The following NLRC5 variants were observed in gnomAD, a reference collection of about 807,000 sequenced individuals.
NLRC5 encodes protein NLRC5.
Under a neutral mutation model 206.9 loss-of-function variants are expected in NLRC5, and 114 were observed. The observed-to-expected ratio is 0.55, with a 90% CI of 0.47 to 0.64. The LOEUF (loss-of-function observed/expected upper bound fraction) is 0.64. Ranked by LOEUF, NLRC5 falls within the 30% of genes least tolerant of loss-of-function variation. NLRC5 has a pLI of 0.00. For synonymous variants in NLRC5, 952 were observed against 962.8 expected (o/e 0.99, Z 0.21); for missense variants, 2,008 against 2,305.5 (o/e 0.87, Z 2.64).
intron 41 of NLRC5, 115 bp from the exon 42 acceptor site, chr16:57,077,604 T>C: frequency 9.4e-7 from 1 of 1,062,554 alleles, no homozygotes; most frequent in Non-Finnish European, 1.4e-6. Flanking sequence ...AGGTGTGTGG[T>C]GTCGGGGGGT....
intron 28 of NLRC5, 110 bp downstream of exon 28, chr16:57,058,258 G>T: frequency 1.1e-6 from 1 of 887,116 alleles, no homozygotes; most frequent in Non-Finnish European, 1.8e-6. Flanking sequence ...CAGAGGACAA[G>T]GACTGTGGAG....
chr16:57,050,908 A>T (rs1348725637), intron 23 of NLRC5, among the ~76,000 whole-genome samples: 1 of 152,092 alleles, frequency 6.6e-6, no homozygotes, highest in Non-Finnish European at 1.5e-5. Context: ...GCTGGAGTGC[A>T]GTGGTACGAT....
intron 37 of NLRC5, 104 bp from the exon 38 acceptor site, chr16:57,070,431 T>C: frequency 4.2e-6 from 4 of 953,592 alleles, no homozygotes; most frequent in Non-Finnish European, 6.6e-6. Flanking sequence ...AGATGCAGAG[T>C]TGGCCTCCCA....
At chr16:57,067,337 A>G in intron 34 of NLRC5, 50 bp from the exon 35 acceptor site, 2 of 1,471,316 alleles carry the variant, frequency 1.4e-6, no homozygotes, top group East Asian at 4.6e-5. Context: ...ACTGAATCCC[A>G]CATACTGGAC....
chr16:57,025,798 A>G lies in NLRC5; in HGVS notation c.855A>G (p.Glu285=). 2 of 1,614,192 alleles carry G rather than the reference A, an allele frequency of 1.2e-6. No homozygotes were observed. Among genetic ancestry groups the G allele is most frequent in the Non-Finnish European group, 1.7e-6 (2 of 1,180,020 alleles). Residue 285 remains glutamate, a synonymous_variant, in exon 6 of 49, where the codon GAA becomes GAG. Coordinates refer to ENST00000688547, the MANE Select transcript of NLRC5 (RefSeq NM_001384950.1). ...TTTTTGATCTGTACCTGAGCCCTGA[A>G]TCGGACCACGACACTGTCTTCCAGT... ...ELLFDLYLSP[E]SDHDTVFQYL...
At chr16:57,067,179 T>C (rs1567633589) in intron 34 of NLRC5, among the ~76,000 whole-genome samples, 1 of 152,234 alleles carries the variant, frequency 6.6e-6, no homozygotes, top group East Asian at 1.9e-4. Flanking sequence ...CTGTGTGTCC[T>C]TGTGCGGTGA....
intron 30 of NLRC5, among the ~76,000 whole-genome samples, chr16:57,061,114 C>T (rs2066420234): frequency 6.6e-6 from 1 of 152,254 alleles, no homozygotes; most frequent in African/African-American, 2.4e-5. Flanking sequence ...AGTTTCCCCA[C>T]CTCTAATTGG....
At chr16:57,054,727 G>A (rs371221670) in intron 24 of NLRC5, 24 bp from the exon 25 acceptor site, 254 of 1,495,268 alleles carry the variant, frequency 1.7e-4, no homozygotes, top group South Asian at 1.4e-3. Flanking sequence ...TCATCTTGCC[G>A]GATCTACCCC....
intron 1 of NLRC5, among the ~76,000 whole-genome samples, chr16:57,014,695 T>C (rs1308049292): frequency 6.6e-6 from 1 of 152,204 alleles, no homozygotes; most frequent in Non-Finnish European, 1.5e-5. Context: ...AAGGCAAGTA[T>C]GTCTTAGTCA....
chr16:57,048,295 G>C (rs928095528), intron 23 of NLRC5: 3 of 152,206 alleles, frequency 2.0e-5, no homozygotes, highest in Non-Finnish European at 4.4e-5. Context: ...TCTACTCCTT[G>C]CCTATTTGCA....
At chr16:57,049,438 T>C (rs1218324855) in intron 23 of NLRC5, among the ~76,000 whole-genome samples, 2 of 152,120 alleles carry the variant, frequency 1.3e-5, no homozygotes, top group Non-Finnish European at 2.9e-5. Context: ...GGAAGCTTAA[T>C]ATAAAAAGCC....
At chr16:56,991,177 G>A (rs1021072302) in intron 1 of NLRC5, 1 of 152,094 alleles carries the variant, frequency 6.6e-6, no homozygotes, top group African/African-American at 2.4e-5. Context: ...AGGGGAGATG[G>A]ATCCTTGAAG....
At chr16:57,023,736 G>A (rs773516380) in intron 4 of NLRC5, 49 bp from the exon 5 acceptor site, 1 of 1,530,484 alleles carries the variant, frequency 6.5e-7, no homozygotes. Context: ...TAACCCCTCA[G>A]CCCAGATCCC....
Position 57,051,578 on chromosome 16 carries a change from C to G in NLRC5, c.3463C>G (p.Leu1155Val), listed in dbSNP as rs1414080515. ...EFLSDQSLET[L>V]LDCLPQLPQL... ...CCTGAGTGACCAGAGCCTGGAGACTCTACTGGACTGCTTACCTCAACTCCC... is the reference window on the plus strand; with the variant it reads ...CCTGAGTGACCAGAGCCTGGAGACTGTACTGGACTGCTTACCTCAACTCCC... The change falls in exon 24 of 49, where the codon CTA becomes GTA. Residue 1155 changes from leucine (L) to valine (V), a missense_variant. Transcript: ENST00000688547. The G allele has an allele frequency of 6.8e-6, 11 of 1,614,014 alleles. No homozygotes were observed. Among genetic ancestry groups the G allele is most frequent in the Admixed American group, 5.0e-5 (3 of 60,014 alleles).
In NLRC5 at chr16:57,074,635, C is replaced by T. The variant is rs773251679; in HGVS notation, c.4703C>T (p.Ala1568Val). 9.9e-6 allele frequency: 16 copies of T among 1,613,874 alleles called. No individual in the cohort carries two copies. The highest frequency in any genetic ancestry group is 2.2e-5 in the South Asian group (2 of 91,078). ...CTTCTGCTGAACAGCTCCACCTTGG[C>T]CTTGCTTACTCACAGACTAAGCCAG... ...SHLLLNSSTL[A>V]LLTHRLSQMT... Residue 1568 changes from alanine (A) to valine (V), a missense_variant, in exon 39 of 49, where the codon GCC becomes GTC. Transcript: ENST00000688547.
chr16:57,006,343 G>A (rs572237378), intron 1 of NLRC5, among the ~76,000 whole-genome samples: 1 of 150,112 alleles, frequency 6.7e-6, no homozygotes, highest in East Asian at 2.0e-4. Context: ...GTTTTGCCCC[G>A]GCTCTCTTTT....
chr16:57,025,399 G>T lies in NLRC5; in HGVS notation c.456G>T (p.Arg152=). 1 of 1,549,894 alleles carries T rather than the reference G, an allele frequency of 6.5e-7. No homozygotes were observed. The highest frequency in any genetic ancestry group is 1.2e-5 in the South Asian group (1 of 80,738). ...CCAAGAAGTACCTGCAGCTCCTGCG[G>T]ACCTCTGCCCAGCAGCGCTACAGGA... ...ELAKKYLQLL[R]TSAQQRYRSQ... Residue 152 remains arginine, a synonymous_variant, in exon 6 of 49, where the codon CGG becomes CGT. Coordinates refer to ENST00000688547, the MANE Select transcript of NLRC5 (RefSeq NM_001384950.1).
At chr16:57,072,462 G>A (rs1392004325) in intron 38 of NLRC5, among the ~76,000 whole-genome samples, 1 of 152,186 alleles carries the variant, frequency 6.6e-6, no homozygotes, top group African/African-American at 2.4e-5. Flanking sequence ...GAAGAGGAAA[G>A]AAACTCTGGG....
chr16:57,052,243 C>A (rs759601236), intron 24 of NLRC5, among the ~76,000 whole-genome samples: 2 of 152,146 alleles, frequency 1.3e-5, no homozygotes, highest in Non-Finnish European at 2.9e-5. Context: ...GAGGCCGAGG[C>A]GGGCAGATCA....
Sources: allele counts gnomAD v4.1 joint callset (sites outside exome capture counted in the v4.1 genomes callset), GRCh38; gene constraint gnomAD v4.1.1; transcripts MANE v1.5; gene names NCBI Gene and HGNC (gene_info 2026-07-23, HGNC 2026-07-21).